The following KRABD5 variants were observed in gnomAD, a reference collection of about 807,000 sequenced individuals.
KRABD5 encodes KRAB domain-containing protein 5.
At chr16:31,737,103 CAG>C in the KRABD5 span, among the ~76,000 whole-genome samples, 3 of 152,110 alleles carry the variant, frequency 2.0e-5, no homozygotes, top group Non-Finnish European at 4.4e-5. Context: ...ATATATCAAA[CAG>C]GGAAAAGATG....
the KRABD5 span, among the ~76,000 whole-genome samples, chr16:31,729,034 C>A: frequency 6.6e-6 from 1 of 152,124 alleles, no homozygotes; most frequent in Admixed American, 6.6e-5. Context: ...TAGTTAACTC[C>A]TTTGTCTCTT....
chr16:31,722,118 AGGCT>A, the KRABD5 span, among the ~76,000 whole-genome samples: 3 of 152,148 alleles, frequency 2.0e-5, no homozygotes, highest in Non-Finnish European at 4.4e-5. Context: ...CTTGTTGCTC[AGGCT>A]GGAGTTCAGT....
At chr16:31,726,691 C>T in the KRABD5 span, among the ~76,000 whole-genome samples, 1 of 151,990 alleles carries the variant, frequency 6.6e-6, no homozygotes, top group Non-Finnish European at 1.5e-5. Flanking sequence ...AACCCAGGAG[C>T]GGAGGTTGCA....
At chr16:31,726,766 T>C in the KRABD5 span, among the ~76,000 whole-genome samples, 1 of 152,184 alleles carries the variant, frequency 6.6e-6, no homozygotes, top group African/African-American at 2.4e-5. Context: ...TCAAAAAATA[T>C]ATATAAAATA....
At chr16:31,744,293 G>C in the KRABD5 span, among the ~76,000 whole-genome samples, 27 of 152,114 alleles carry the variant, frequency 1.8e-4, no homozygotes, top group African/African-American at 6.5e-4. Flanking sequence ...TTTCAGATAT[G>C]TTCCATCAAT....
the KRABD5 span, chr16:31,714,269 C>G: frequency 2.3e-6 from 1 of 427,770 alleles, no homozygotes; most frequent in Non-Finnish European, 4.7e-6. Flanking sequence ...GTATTTTGGC[C>G]TTACCTGTTG....
At chr16:31,738,809 A>C in the KRABD5 span, among the ~76,000 whole-genome samples, 1 of 151,942 alleles carries the variant, frequency 6.6e-6, no homozygotes, top group Non-Finnish European at 1.5e-5. Context: ...GACATGTTTT[A>C]ATTCCTTTCC....
chr16:31,754,050 AG>A, the KRABD5 span: 1 of 953,778 alleles, frequency 1.0e-6, no homozygotes, highest in East Asian at 2.6e-5. Context: ...TGTTTCTGTA[AG>A]TAAGTGTCAA....
chr16:31,737,090 T>C, the KRABD5 span, among the ~76,000 whole-genome samples: 3 of 152,296 alleles, frequency 2.0e-5, no homozygotes, highest in East Asian at 5.8e-4. Context: ...CAAACCAGTG[T>C]TAATATATCA....
At chr16:31,729,702 CTTTG>C in the KRABD5 span, among the ~76,000 whole-genome samples, 1 of 151,894 alleles carries the variant, frequency 6.6e-6, no homozygotes, top group South Asian at 2.1e-4. Flanking sequence ...CTATTTTATA[CTTTG>C]TTTCTTTTTT....
At chr16:31,722,741 T>C in the KRABD5 span, 1 of 1,604,366 alleles carries the variant, frequency 6.2e-7, no homozygotes, top group South Asian at 1.1e-5. Context: ...TACGGAAACC[T>C]GGTCTCTCTG....
the KRABD5 span, among the ~76,000 whole-genome samples, chr16:31,740,251 C>A: frequency 6.6e-6 from 1 of 152,060 alleles, no homozygotes; most frequent in Admixed American, 6.6e-5. Flanking sequence ...CCCATTAGTC[C>A]CTTAGACACT....
chr16:31,736,554 G>A, the KRABD5 span, among the ~76,000 whole-genome samples: 1 of 125,952 alleles, frequency 7.9e-6, no homozygotes, highest in African/African-American at 3.0e-5. Context: ...TCTTGCTCTT[G>A]TCACCCAGGT....
the KRABD5 span, chr16:31,713,353 A>T: frequency 6.4e-7 from 1 of 1,563,666 alleles, no homozygotes; most frequent in Non-Finnish European, 8.7e-7. Flanking sequence ...CTGAGAATAG[A>T]CAGAACCTCT....
the KRABD5 span, chr16:31,722,803 T>C: frequency 6.6e-7 from 1 of 1,503,940 alleles, no homozygotes; most frequent in Non-Finnish European, 8.8e-7. Flanking sequence ...CTAAGGGTTT[T>C]ATTTCTTTCC....
At chr16:31,733,692 C>G in the KRABD5 span, 3 of 452,146 alleles carry the variant, frequency 6.6e-6, no homozygotes, top group Non-Finnish European at 1.3e-5. Flanking sequence ...ATAATGTCCT[C>G]AAGGTTTGTC....
the KRABD5 span, among the ~76,000 whole-genome samples, chr16:31,734,230 T>C: frequency 6.6e-6 from 1 of 151,914 alleles, no homozygotes; most frequent in East Asian, 1.9e-4. Context: ...AAGTCTCTCT[T>C]CTAACTTTTT....
the KRABD5 span, among the ~76,000 whole-genome samples, chr16:31,721,723 A>G: frequency 1.3e-5 from 2 of 152,218 alleles, no homozygotes; most frequent in East Asian, 1.9e-4. Context: ...TATAACCTGT[A>G]AATTTCATAA....
chr16:31,714,709 T>A, the KRABD5 span, among the ~76,000 whole-genome samples: 3 of 152,184 alleles, frequency 2.0e-5, no homozygotes, highest in African/African-American at 7.2e-5. Flanking sequence ...CCCCTTCAGG[T>A]GTCCCTGAGG....
Sources: gnomAD v4.1 joint callset for allele counts (sites outside exome capture counted in the v4.1 genomes callset) on GRCh38, gnomAD v4.1.1 for gene constraint, MANE v1.5 for transcripts, NCBI Gene and HGNC (gene_info 2026-07-23, HGNC 2026-07-21) for gene names.